CTNS: variants seen among roughly 807,000 people sequenced by gnomAD.
CTNS encodes cystinosin.
A neutral mutation model predicts 43.7 loss-of-function variants in CTNS; 27 were observed. That is an observed-to-expected ratio of 0.62 (90% CI 0.46 to 0.85). CTNS has a LOEUF of 0.85. Ranked by LOEUF, CTNS falls within the 40% of genes least tolerant of loss-of-function variation. The pLI, the probability that CTNS is intolerant of heterozygous loss-of-function variation, is 0.00. For missense variants in CTNS, 457 were observed against 475.4 expected, an observed-to-expected ratio of 0.96 and a Z score of 0.36; for synonymous variants, 187 against 190.6, an observed-to-expected ratio of 0.98 and a Z score of 0.16.
chr17:3,639,680 A>AAT (rs1183019997), intron 2 of CTNS, among the ~76,000 whole-genome samples: 1 of 149,186 alleles, frequency 6.7e-6, no homozygotes, highest in Non-Finnish European at 1.5e-5. Context: ...AAAAAAAAAA[A>AAT]TTTAAATATG....
chr17:3,650,994 G>A (rs1046563987), intron 5 of CTNS, among the ~76,000 whole-genome samples: 1 of 151,902 alleles, frequency 6.6e-6, no homozygotes, highest in African/African-American at 2.4e-5. Context: ...GTAGAGATGG[G>A]GTTTCACCAT....
chr17:3,650,464 G>A, intron 5 of CTNS: 1 of 994,690 alleles, frequency 1.0e-6, no homozygotes, highest in Non-Finnish European at 1.4e-6. Flanking sequence ...CCTGAGTGTT[G>A]GAGCAAGACT....
chr17:3,648,950 C>G lies in CTNS; in HGVS notation c.225+19C>G. ...CGATGAAGTAAGTAACCAATCTTAA[C>G]GGATGGGTAGGGAAATGCTAGGTAA... On this transcript the variant is annotated intron_variant, in intron 5 of 11. Transcript: ENST00000046640. 1 of 1,572,286 alleles carries G rather than the reference C, an allele frequency of 6.4e-7. No individual in the cohort carries two copies. Among genetic ancestry groups the G allele is most frequent in the Non-Finnish European group, 8.8e-7 (1 of 1,141,916 alleles).
intron 5 of CTNS, chr17:3,650,543 G>T (rs1008312754): frequency 4.0e-6 from 2 of 494,360 alleles, no homozygotes; most frequent in South Asian, 5.3e-5. Flanking sequence ...AGGGGATCTC[G>T]GAGTGTCCAG....
chr17:3,649,456 A>G (rs866503483), intron 5 of CTNS, among the ~76,000 whole-genome samples: 4,547 of 150,432 alleles, frequency 0.03, 108 homozygotes, highest in African/African-American at 0.061. Context: ...CTTCTCAAAA[A>G]AAAAAAAAAA....
intron 4 of CTNS, chr17:3,647,744 G>A: frequency 1.6e-6 from 1 of 608,816 alleles, no homozygotes; most frequent in Non-Finnish European, 2.9e-6. Context: ...GCAGGAGAAG[G>A]AAGGGGTGCT....
At chr17:3,639,417 C>G (rs1350710192) in intron 2 of CTNS, among the ~76,000 whole-genome samples, 2 of 152,130 alleles carry the variant, frequency 1.3e-5, no homozygotes, top group East Asian at 3.8e-4. Context: ...CCTGTAACCC[C>G]AGCACTTTGG....
intron 5 of CTNS, among the ~76,000 whole-genome samples, chr17:3,653,307 GGAGGCT>G (rs1240094674): frequency 6.6e-6 from 1 of 152,208 alleles, no homozygotes; most frequent in East Asian, 1.9e-4. Context: ...CAACTACTCA[GGAGGCT>G]GAGGCAGGAG....
intron 3 of CTNS, among the ~76,000 whole-genome samples, chr17:3,643,587 C>T (rs922941048): frequency 4.7e-5 from 6 of 127,114 alleles, no homozygotes; most frequent in Non-Finnish European, 5.7e-5. Flanking sequence ...TTTTTTTAAA[C>T]GGATTCTCAC....
Position 3,656,601 on chromosome 17 carries a change from G to A in CTNS, c.561+15G>A. The A allele has an allele frequency of 6.2e-7, 1 of 1,612,072 alleles. No individual in the cohort carries two copies. On this transcript the variant is annotated intron_variant, in intron 8 of 11. Coordinates refer to ENST00000046640, the MANE Select transcript of CTNS (RefSeq NM_004937.3). ...CCTACATCAAGGTACGGCCTTGCCTGCCCTACATCTCTGCCCACATGGCGT... is the reference window on the plus strand; with the variant it reads ...CCTACATCAAGGTACGGCCTTGCCTACCCTACATCTCTGCCCACATGGCGT...
Position 3,661,700 on chromosome 17 carries a change from G to A in CTNS, c.*1331G>A, listed in dbSNP as rs555688774. ...ACTGGGGAGCCCTCTTGGGTAGCGC[G>A]AGACGCCTACCCGCCCAGGGCCAGG... On this transcript the variant is annotated 3_prime_UTR_variant, in exon 12 of 12. Transcript: ENST00000046640. Among the ~76,000 whole-genome samples, 9 of 152,316 alleles carry A rather than the reference G, an allele frequency of 5.9e-5. No individual in the cohort carries two copies. In the East Asian group the frequency reaches 9.7e-4, roughly 16 times the overall value.
At position 3,655,052 on chromosome 17, in the gene CTNS, G is replaced by T. The variant is rs1187191411; in HGVS notation, c.280G>T (p.Val94Phe). Reference sequence around the variant, plus strand: ...CTCTTTTCAAGTGACATCTCAAAATGTTGGACAACTTACTGTTTATCTACA... The same window carrying T: ...CTCTTTTCAAGTGACATCTCAAAATTTTGGACAACTTACTGTTTATCTACA... The part of the protein sequence containing the change: ...NSSFQVTSQN[V>F]GQLTVYLHGN... Residue 94 changes from valine (V) to phenylalanine (F), a missense_variant, in exon 6 of 12, where the codon GTT becomes TTT. Physicochemically the swap from Val to Phe is conservative, Grantham distance 50. Transcript: ENST00000046640. The T allele has an allele frequency of 7.4e-6, 12 of 1,614,022 alleles. No individual in the cohort carries two copies. Among genetic ancestry groups the T allele is most frequent in the Admixed American group, 1.7e-5 (1 of 59,998 alleles).
rs1375979843 is a variant in CTNS, at chr17:3,637,495, C to CA, written c.-20+180dup. On this transcript the variant is annotated intron_variant, in intron 2 of 11. Coordinates refer to ENST00000046640, the MANE Select transcript of CTNS (RefSeq NM_004937.3). ...TTTTTTTTTTTTGAGATGGAGTCTG[C>CA]AGCCTCTGTCACCCAGGCTGGAGTG... Among the ~76,000 whole-genome samples the CA allele has an allele frequency of 2.7e-5, 4 of 149,258 alleles. No individual in the cohort carries two copies. The East Asian group carries it at 7.8e-4, about 29-fold the overall frequency.
rs145003819 is a variant in CTNS at position 3,653,329 on chromosome 17, C to G, written c.226-1669C>G. 5.1e-4 allele frequency among the ~76,000 whole-genome samples: 77 copies of G among 152,326 alleles called. No homozygotes were observed. In the East Asian group the frequency reaches 0.014, roughly 29 times the overall value. On this transcript the variant is annotated intron_variant, in intron 5 of 11. Coordinates refer to ENST00000046640, the MANE Select transcript of CTNS (RefSeq NM_004937.3). ...TCAGGAGGCTGAGGCAGGAGAATCACTTGAACCCTGGGGGCGGAGATTGCA... is the reference window on the plus strand; with the variant it reads ...TCAGGAGGCTGAGGCAGGAGAATCAGTTGAACCCTGGGGGCGGAGATTGCA...
chr17:3,661,885 C>T lies in CTNS; in HGVS notation c.*1516C>T, dbSNP rs957513850. ...GCTTCCTCTATCTAGTTGTAACAAA[C>T]GTCAAAGAATGTCAGGTCTTGTTTC... On this transcript the variant is annotated 3_prime_UTR_variant, in exon 12 of 12. Transcript: ENST00000046640. 4.6e-5 allele frequency among the ~76,000 whole-genome samples: 7 copies of T among 152,202 alleles called. No homozygotes were observed. Among genetic ancestry groups the T allele is most frequent in the African/African-American group, 7.2e-5 (3 of 41,450 alleles).
At chr17:3,648,446 G>A (rs901209138) in intron 4 of CTNS, among the ~76,000 whole-genome samples, 4 of 152,172 alleles carry the variant, frequency 2.6e-5, no homozygotes, top group Non-Finnish European at 5.9e-5. Flanking sequence ...TTCCAAGTCC[G>A]GACTGCTCCC....
At chr17:3,652,692 T>C (rs427553) in intron 5 of CTNS, among the ~76,000 whole-genome samples, 134,391 of 152,186 alleles carry the variant, frequency 0.88, 61,574 homozygotes, top group Non-Finnish European at 1. Flanking sequence ...GTCAATCGAC[T>C]GATTTTCTCC....
chr17:3,654,805 G>A lies in CTNS; in HGVS notation c.226-193G>A, dbSNP rs553492906. On this transcript the variant is annotated intron_variant, in intron 5 of 11. Transcript: ENST00000046640. The stretch of plus-strand genomic sequence containing the variant: ...AGCTCAGGAGTTCGAGACCAGCCTG[G>A]GCAGCATGGCGAACAGGAGGTTCAA... 7.2e-5 allele frequency among the ~76,000 whole-genome samples: 11 copies of A among 152,304 alleles called. No homozygotes were observed. The East Asian group carries it at 2.1e-3, about 29-fold the overall frequency.
At position 3,660,350 on chromosome 17, in the gene CTNS, G is replaced by A. The variant is rs1275871067; in HGVS notation, c.1085G>A (p.Gly362Glu). 1 of 1,614,184 alleles carries A rather than the reference G, an allele frequency of 6.2e-7. No individual in the cohort carries two copies. Among genetic ancestry groups the A allele is most frequent in the South Asian group, 1.1e-5 (1 of 91,088 alleles). Residue 362 changes from glycine to glutamate, a missense_variant, in exon 12 of 12, where the codon GGG becomes GAG. Coordinates refer to ENST00000046640, the MANE Select transcript of CTNS (RefSeq NM_004937.3). ...QHFCLYRKRP[G>E]YDQLN ...TTCTGTTTGTACAGAAAGAGACCGG[G>A]GTATGACCAGCTGAACTAGCACCCA... is the stretch of plus-strand genomic sequence containing the variant.
Sources: gnomAD v4.1 joint callset for allele counts (sites outside exome capture counted in the v4.1 genomes callset) on GRCh38, gnomAD v4.1.1 for gene constraint, MANE v1.5 for transcripts, NCBI Gene and HGNC (gene_info 2026-07-23, HGNC 2026-07-21) for gene names.